Variants in NCAM1 observed in about 807,000 individuals in gnomAD.
NCAM1 encodes the protein antigen recognized by monoclonal antibody 5.1H11.
Under a neutral mutation model 109.8 loss-of-function variants are expected in NCAM1, and 14 were observed. The observed-to-expected ratio is 0.13, with a 90% CI of 0.08 to 0.20. The LOEUF (loss-of-function observed/expected upper bound fraction) is 0.20. NCAM1 is among the 10% of genes least tolerant of loss of function. The probability of loss-of-function intolerance (pLI) is 1.00; values close to 1 mark genes in which losing one functional copy is unlikely to be tolerated. For missense variants in NCAM1, 774 were observed against 1,109.9 expected (o/e 0.70, Z 4.30); for synonymous variants, 418 against 442.9 (o/e 0.94, Z 0.70).
rs142037406 is a variant in NCAM1, at chr11:113,211,398, C to T, written c.917-2971C>T. On this transcript the variant is annotated intron_variant, in intron 7 of 19. Coordinates refer to ENST00000316851, the MANE Select transcript of NCAM1 (RefSeq NM_181351.5). ...ATCTCAATTAGAGACTTTATGACATCATTTGTATCTAAGTGGCATCATTCT... is the reference window on the plus strand; with the variant it reads ...ATCTCAATTAGAGACTTTATGACATTATTTGTATCTAAGTGGCATCATTCT... Among the ~76,000 whole-genome samples the T allele has an allele frequency of 9.4e-3, 1,426 of 152,302 alleles. 12 individuals carry two copies. Among genetic ancestry groups the T allele is most frequent in the Middle Eastern group, 0.037 (11 of 294 alleles).
intron 3 of NCAM1, among the ~76,000 whole-genome samples, chr11:113,205,193 G>A (rs529486915): frequency 3.0e-4 from 46 of 152,322 alleles, no homozygotes; most frequent in Non-Finnish European, 4.3e-4. Context: ...TGTTCCACCA[G>A]TTCATTCTAC....
intron 1 of NCAM1, among the ~76,000 whole-genome samples, chr11:113,160,632 G>A (rs1942571104): frequency 6.6e-6 from 1 of 152,152 alleles, no homozygotes; most frequent in Admixed American, 6.5e-5. Context: ...TTGGCATTCG[G>A]CACTTTTGCA....
intron 1 of NCAM1, among the ~76,000 whole-genome samples, chr11:113,095,705 C>A (rs1415069451): frequency 6.6e-6 from 1 of 152,190 alleles, no homozygotes; most frequent in African/African-American, 2.4e-5. Flanking sequence ...TTTTATTAAT[C>A]CCATTTTACA....
At position 112,977,297 on chromosome 11, in the gene NCAM1, G is replaced by A. The variant is rs185346751; in HGVS notation, c.52+15633G>A. 141 of 151,802 alleles carry A rather than the reference G, an allele frequency of 9.3e-4. 1 individual carries two copies. Among genetic ancestry groups the A allele is most frequent in the African/African-American group, 3.3e-3 (136 of 41,468 alleles). The allele number at this position is 151,802 out of a possible 1,614,324, so 9.4% of individuals were successfully genotyped here. On this transcript the variant is annotated intron_variant, in intron 1 of 19. Coordinates refer to ENST00000316851, the MANE Select transcript of NCAM1 (RefSeq NM_181351.5). The stretch of plus-strand genomic sequence containing the variant: ...GATTTAATAACAATTTGGAAAAGTC[G>A]CAATCTTTATAAGCATATGTGTAAG...
At chr11:113,014,770 C>A (rs1419571900) in intron 1 of NCAM1, among the ~76,000 whole-genome samples, 2 of 152,228 alleles carry the variant, frequency 1.3e-5, no homozygotes, top group African/African-American at 4.8e-5. Context: ...GAAATACATT[C>A]AGGCTAGCAC....
At chr11:113,235,390 A>G in intron 14 of NCAM1, 3 of 918,558 alleles carry the variant, frequency 3.3e-6, no homozygotes, top group Non-Finnish European at 5.3e-6. Context: ...CTGTCCTAGT[A>G]GCCGGTCCAG....
At chr11:113,189,978 C>T (rs782137510) in intron 1 of NCAM1, among the ~76,000 whole-genome samples, 1 of 151,734 alleles carries the variant, frequency 6.6e-6, no homozygotes, top group Non-Finnish European at 1.5e-5. Context: ...TTATTCTGGG[C>T]AGGAAGACAG....
chr11:113,125,323 G>A (rs957825206), intron 1 of NCAM1, among the ~76,000 whole-genome samples: 3 of 152,140 alleles, frequency 2.0e-5, no homozygotes, highest in Admixed American at 6.5e-5. Flanking sequence ...GATTGCAGCA[G>A]TATCTTAGAA....
At chr11:113,058,858 A>G (rs1438141269) in intron 1 of NCAM1, among the ~76,000 whole-genome samples, 5 of 152,130 alleles carry the variant, frequency 3.3e-5, no homozygotes, top group African/African-American at 9.7e-5. Context: ...TGACAGACAC[A>G]CTTTCATCTG....
At chr11:113,060,038 C>CT (rs1337921616) in intron 1 of NCAM1, among the ~76,000 whole-genome samples, 14 of 152,186 alleles carry the variant, frequency 9.2e-5, no homozygotes, top group African/African-American at 3.4e-4. Context: ...AGATTGAATA[C>CT]TGGGTGTGAG....
At chr11:113,127,836 T>G (rs1485515645) in intron 1 of NCAM1, among the ~76,000 whole-genome samples, 1 of 152,196 alleles carries the variant, frequency 6.6e-6, no homozygotes, top group East Asian at 1.9e-4. Context: ...GCAGGTGGGT[T>G]GTATGTTGGG....
chr11:113,217,661 G>A (rs1372002307), intron 8 of NCAM1, among the ~76,000 whole-genome samples: 1 of 152,116 alleles, frequency 6.6e-6, no homozygotes, highest in Admixed American at 6.5e-5. Flanking sequence ...AAATGCTCAG[G>A]TCTTTTTTAC....
At chr11:113,087,021 T>A (rs2065284852) in intron 1 of NCAM1, among the ~76,000 whole-genome samples, 1 of 152,222 alleles carries the variant, frequency 6.6e-6, no homozygotes, top group Non-Finnish European at 1.5e-5. Context: ...GCAGATTAGT[T>A]CAAGCCTACA....
At chr11:113,234,248 T>C (rs1319502339) in intron 13 of NCAM1, among the ~76,000 whole-genome samples, 2 of 141,568 alleles carry the variant, frequency 1.4e-5, no homozygotes, top group Non-Finnish European at 3.1e-5. Flanking sequence ...TCACTATCTG[T>C]CCACCCGACT....
chr11:113,252,041 A>C (rs1461474332), intron 15 of NCAM1, among the ~76,000 whole-genome samples: 3 of 152,220 alleles, frequency 2.0e-5, no homozygotes, highest in Non-Finnish European at 4.4e-5. Flanking sequence ...CCATATTTTC[A>C]TGTACTCACA....
intron 14 of NCAM1, chr11:113,240,884 C>G: frequency 6.4e-7 from 1 of 1,560,344 alleles, no homozygotes; most frequent in Non-Finnish European, 8.8e-7. Flanking sequence ...TTCCACCAGC[C>G]ACAGTTTGTT....
At chr11:113,253,891 G>A (rs1384899083) in intron 15 of NCAM1, among the ~76,000 whole-genome samples, 1 of 152,188 alleles carries the variant, frequency 6.6e-6, no homozygotes, top group Non-Finnish European at 1.5e-5. Context: ...TGGGACTGAA[G>A]GGTTTCCCAG....
intron 1 of NCAM1, among the ~76,000 whole-genome samples, chr11:112,997,517 A>G (rs1423625801): frequency 2.0e-5 from 3 of 152,164 alleles, no homozygotes; most frequent in African/African-American, 7.2e-5. Context: ...TTTTCCTTTT[A>G]TAAAGATCCA....
At chr11:113,008,685 A>G (rs553250222) in intron 1 of NCAM1, among the ~76,000 whole-genome samples, 2 of 152,230 alleles carry the variant, frequency 1.3e-5, no homozygotes, top group Non-Finnish European at 2.9e-5. Context: ...CTAAAATCAT[A>G]TCATCTGGAG....
Sources: gnomAD v4.1 joint callset for allele counts (sites outside exome capture counted in the v4.1 genomes callset) on GRCh38, gnomAD v4.1.1 for gene constraint, MANE v1.5 for transcripts, NCBI Gene and HGNC (gene_info 2026-07-23, HGNC 2026-07-21) for gene names.